The following NEO1 variants were observed in gnomAD, a reference collection of about 807,000 sequenced individuals.
NEO1 encodes neogenin 1.
NEO1 carries 63 observed loss-of-function variants against 159.7 expected under a neutral mutation model. That is an observed-to-expected ratio of 0.39 (90% confidence interval 0.32 to 0.49). The LOEUF (loss-of-function observed/expected upper bound fraction) is 0.49. NEO1 is among the 20% of genes least tolerant of loss of function. The probability of loss-of-function intolerance (pLI) is 0.85; values close to 1 mark genes in which losing one functional copy is unlikely to be tolerated. For synonymous variants in NEO1, 633 were observed against 662.0 expected (o/e 0.96, Z 0.67); for missense variants, 1,615 against 1,831.0 (o/e 0.88, Z 2.15).
chr15:73,177,837 G>A (rs2035370680), intron 6 of NEO1, among the ~76,000 whole-genome samples: 1 of 152,096 alleles, frequency 6.6e-6, no homozygotes. Context: ...CACTGCTCCT[G>A]GCCCAGTAGT....
At chr15:73,062,600 A>T (rs2068031362) in intron 1 of NEO1, among the ~76,000 whole-genome samples, 1 of 152,214 alleles carries the variant, frequency 6.6e-6, no homozygotes, top group South Asian at 2.1e-4. Context: ...TTATTCATTG[A>T]TTTGAGTAAC....
chr15:73,233,232 A>G (rs1475573491), intron 7 of NEO1, among the ~76,000 whole-genome samples: 1 of 152,190 alleles, frequency 6.6e-6, no homozygotes, highest in Non-Finnish European at 1.5e-5. Context: ...CTGATAGAGA[A>G]CACTGGGGCC....
chr15:73,228,479 T>TA (rs140570014), intron 7 of NEO1, among the ~76,000 whole-genome samples: 14,270 of 150,454 alleles, frequency 0.095, 951 homozygotes, highest in African/African-American at 0.18. Flanking sequence ...TTTTTTTTTT[T>TA]ATCAGATACA....
At chr15:73,244,764 A>G (rs1314443562) in intron 9 of NEO1, among the ~76,000 whole-genome samples, 3 of 151,902 alleles carry the variant, frequency 2.0e-5, no homozygotes, top group African/African-American at 7.3e-5. Flanking sequence ...CAGCCTGGCC[A>G]ACATGGTGAA....
At chr15:73,110,605 C>G (rs1322480414) in intron 1 of NEO1, among the ~76,000 whole-genome samples, 1 of 152,042 alleles carries the variant, frequency 6.6e-6, no homozygotes, top group Non-Finnish European at 1.5e-5. Context: ...GGAATTCTAT[C>G]AAGAAGTGTG....
intron 1 of NEO1, among the ~76,000 whole-genome samples, chr15:73,086,585 G>C (rs912625400): frequency 4.1e-5 from 6 of 145,552 alleles, no homozygotes; most frequent in African/African-American, 1.5e-4. Context: ...TTTTGAGATG[G>C]AGTCTCACTC....
chr15:73,268,028 T>A (rs1360827014), intron 16 of NEO1, among the ~76,000 whole-genome samples: 1 of 152,186 alleles, frequency 6.6e-6, no homozygotes, highest in Admixed American at 6.5e-5. Context: ...TTCCTTTTGC[T>A]TTATTTGGGT....
chr15:73,177,802 A>G (rs987526309), intron 6 of NEO1, among the ~76,000 whole-genome samples: 1 of 152,138 alleles, frequency 6.6e-6, no homozygotes, highest in Admixed American at 6.5e-5. Flanking sequence ...CGGCCTCCCA[A>G]AGTGCTGGGG....
intron 7 of NEO1, among the ~76,000 whole-genome samples, chr15:73,192,249 A>G (rs1400804584): frequency 6.6e-6 from 1 of 151,936 alleles, no homozygotes; most frequent in African/African-American, 2.4e-5. Context: ...TTTTACACTT[A>G]CACATACATA....
At position 73,136,005 on chromosome 15, in the gene NEO1, T is replaced by C; in HGVS notation, c.993T>C (p.Ala331=). ...ATAATGGAAATGAGACAATTGAAGC[T>C]CAAGCAGAGCTTACAGTGCAAGGTA... is the stretch of plus-strand genomic sequence containing the variant. The part of the protein sequence containing the change: ...IADNGNETIE[A]QAELTVQAQP... Residue 331 remains alanine, a synonymous_variant, in exon 5 of 29, where the codon GCT becomes GCC. Transcript: ENST00000261908. 7 of 1,611,492 alleles carry C rather than the reference T, an allele frequency of 4.3e-6. No individual in the cohort carries two copies. Among genetic ancestry groups the C allele is most frequent in the Non-Finnish European group, 5.9e-6 (7 of 1,179,294 alleles).
At position 73,270,154 on chromosome 15, in the gene NEO1, C is replaced by G; in HGVS notation, c.2639C>G (p.Pro880Arg). The G allele has an allele frequency of 6.2e-7, 1 of 1,614,118 alleles. No homozygotes were observed. Among genetic ancestry groups the G allele is most frequent in the Non-Finnish European group, 8.5e-7 (1 of 1,180,032 alleles). ...IRITWADNSL[P>R]KHQKITDSRY... The stretch of plus-strand genomic sequence containing the variant: ...ATTACGTGGGCAGACAACTCGCTGC[C>G]CAAGCACCAGAAGATTACAGACTCC... The change falls in exon 17 of 29, where the codon CCC becomes CGC. Residue 880 changes from proline (P) to arginine (R), a missense_variant. Pro to Arg is a moderately radical substitution (Grantham distance 103). This residue lies in a region of NEO1 where 1,018 missense variants were observed against 1,115.4 expected (regional missense o/e 0.91). Coordinates refer to ENST00000261908, the MANE Select transcript of NEO1 (RefSeq NM_002499.4).
chr15:73,283,777 G>A (rs1215567506), intron 23 of NEO1, among the ~76,000 whole-genome samples: 3 of 152,302 alleles, frequency 2.0e-5, no homozygotes, highest in South Asian at 4.1e-4. Context: ...CCGATGCCCA[G>A]GAGTCTGTGG....
At chr15:73,171,612 C>CTATTAT (rs10549726) in intron 5 of NEO1, among the ~76,000 whole-genome samples, 3,898 of 138,988 alleles carry the variant, frequency 0.028, 131 homozygotes, top group East Asian at 0.13. Context: ...TATTAAGAAA[C>CTATTAT]TATTATTATT....
chr15:73,269,759 A>G (rs1227228377), intron 16 of NEO1, among the ~76,000 whole-genome samples: 2 of 152,238 alleles, frequency 1.3e-5, no homozygotes, highest in African/African-American at 2.4e-5. Flanking sequence ...ACATTTTAAT[A>G]TGCCTATAGA....
chr15:73,119,355 C>CT (rs1255992576), intron 2 of NEO1, among the ~76,000 whole-genome samples: 2 of 152,116 alleles, frequency 1.3e-5, no homozygotes, highest in African/African-American at 4.8e-5. Context: ...GCAGTAGAAA[C>CT]TGATTGTAGC....
intron 5 of NEO1, among the ~76,000 whole-genome samples, chr15:73,172,225 G>T (rs2035019822): frequency 6.6e-6 from 1 of 152,076 alleles, no homozygotes; most frequent in South Asian, 2.1e-4. Context: ...ATAGGTTTTG[G>T]AGTCAGACTG....
At chr15:73,297,934 CAGG>C (rs2042443490) in intron 26 of NEO1, among the ~76,000 whole-genome samples, 2 of 152,232 alleles carry the variant, frequency 1.3e-5, no homozygotes, top group Non-Finnish European at 2.9e-5. Context: ...TGGCTACTGT[CAGG>C]TACCCGGCCA....
At position 73,230,004 on chromosome 15, in the gene NEO1, C is replaced by T. The variant is rs139470202; in HGVS notation, c.1292-6343C>T. Among the ~76,000 whole-genome samples the T allele has an allele frequency of 1.0e-3, 159 of 152,042 alleles. 3 individuals are homozygous for T. Among genetic ancestry groups the T allele is most frequent in the Middle Eastern group, 6.8e-3 (2 of 294 alleles). On this transcript the variant is annotated intron_variant, in intron 7 of 28. Coordinates refer to ENST00000261908, the MANE Select transcript of NEO1 (RefSeq NM_002499.4). ...GGTCTGTTGCTTTCTTTTCATGTGT[C>T]GTGTTTCTTTCTTTTCTTTGTCGGG...
chr15:73,254,665 A>T lies in NEO1; in HGVS notation c.1945-17A>T, dbSNP rs1327712725. ...TTGATATATTCAGCCTTTTTTCTAT[A>T]ATTCTGTCTTGTGCAGAGTATTATG... is the stretch of plus-strand genomic sequence containing the variant. On this transcript the variant is annotated splice_polypyrimidine_tract_variant and intron_variant, in intron 12 of 28. Coordinates refer to ENST00000261908, the MANE Select transcript of NEO1 (RefSeq NM_002499.4). 3 of 1,573,604 alleles carry T rather than the reference A, an allele frequency of 1.9e-6. No homozygotes were observed. The highest frequency in any genetic ancestry group is 2.0e-5 in the Admixed American group (1 of 49,508).
Sources: allele counts gnomAD v4.1 joint callset (sites outside exome capture counted in the v4.1 genomes callset), GRCh38; gene constraint gnomAD v4.1.1; regional missense constraint gnomAD v4.1.1; transcripts MANE v1.5; gene names NCBI Gene and HGNC (gene_info 2026-07-23, HGNC 2026-07-21).